The following SBF2 variants were observed in gnomAD, a reference collection of about 807,000 sequenced individuals.
SBF2 encodes the protein myotubularin-related protein 13.
SBF2 carries 112 observed loss-of-function variants against 225.2 expected under a neutral mutation model. The observed-to-expected ratio is 0.50, with a 90% CI of 0.43 to 0.58. SBF2 has a LOEUF of 0.58. Ranked by LOEUF, SBF2 falls within the 20% of genes least tolerant of loss-of-function variation. The probability of loss-of-function intolerance (pLI) is 0.00; values close to 1 mark genes in which losing one functional copy is unlikely to be tolerated. For missense variants in SBF2, 1,996 were observed against 2,206.2 expected, an observed-to-expected ratio of 0.90 and a Z score of 1.91; for synonymous variants, 763 against 773.3, an observed-to-expected ratio of 0.99 and a Z score of 0.22.
At chr11:10,162,018 G>A (rs150555830) in intron 2 of SBF2, among the ~76,000 whole-genome samples, 31 of 152,118 alleles carry the variant, frequency 2.0e-4, no homozygotes, top group African/African-American at 6.0e-4. Context: ...AGGAAGACTC[G>A]GTTGCATTTT....
chr11:9,828,227 G>A (rs867025297), intron 28 of SBF2: 2 of 1,287,218 alleles, frequency 1.6e-6, no homozygotes, highest in Middle Eastern at 4.3e-4. Flanking sequence ...AGTCCCTAAA[G>A]TCAGCCAAAA....
chr11:9,841,574 C>T (rs1856150302), intron 25 of SBF2, among the ~76,000 whole-genome samples: 1 of 151,916 alleles, frequency 6.6e-6, no homozygotes, highest in South Asian at 2.1e-4. Flanking sequence ...TCTGTCCGAC[C>T]CAGGCTGGAG....
intron 17 of SBF2, among the ~76,000 whole-genome samples, chr11:9,864,150 T>C (rs887055456): frequency 6.6e-6 from 1 of 152,222 alleles, no homozygotes; most frequent in Non-Finnish European, 1.5e-5. Context: ...TAGTGAGTAA[T>C]CCATTTAGTT....
At chr11:10,119,246 T>C (rs1953316789) in intron 2 of SBF2, among the ~76,000 whole-genome samples, 1 of 152,104 alleles carries the variant, frequency 6.6e-6, no homozygotes, top group Admixed American at 6.6e-5. Flanking sequence ...CTTGTCTTAG[T>C]ACTTCCTGTT....
At chr11:9,865,735 G>T (rs1858162981) in intron 17 of SBF2, among the ~76,000 whole-genome samples, 1 of 150,154 alleles carries the variant, frequency 6.7e-6, no homozygotes, top group East Asian at 1.9e-4. Context: ...GCGTTGGGGG[G>T]CGAAACTGAG....
At chr11:9,849,180 TA>T (rs2091840496) in intron 22 of SBF2, among the ~76,000 whole-genome samples, 1 of 152,082 alleles carries the variant, frequency 6.6e-6, no homozygotes, top group African/African-American at 2.4e-5. Flanking sequence ...CAGAAACTGG[TA>T]TTTTTTTTTA....
At chr11:10,089,024 G>A (rs1296843726) in intron 2 of SBF2, among the ~76,000 whole-genome samples, 1 of 152,032 alleles carries the variant, frequency 6.6e-6, no homozygotes, top group Non-Finnish European at 1.5e-5. Context: ...CATAGAACCT[G>A]GGTCCTGCCC....
At chr11:10,129,087 C>T (rs1056043436) in intron 2 of SBF2, among the ~76,000 whole-genome samples, 14 of 147,252 alleles carry the variant, frequency 9.5e-5, no homozygotes, top group Admixed American at 2.1e-4. Context: ...GTTATTTGCA[C>T]GCAATTTTCT....
At chr11:9,825,766 G>C (rs1366016965) in intron 28 of SBF2, among the ~76,000 whole-genome samples, 1 of 152,160 alleles carries the variant, frequency 6.6e-6, no homozygotes, top group Non-Finnish European at 1.5e-5. Context: ...ATAAGTCACA[G>C]CAAAATAACC....
At chr11:10,277,985 G>T (rs1430082694) in intron 1 of SBF2, among the ~76,000 whole-genome samples, 1 of 152,020 alleles carries the variant, frequency 6.6e-6, no homozygotes, top group Admixed American at 6.5e-5. Flanking sequence ...GCAGAGTGTT[G>T]GAGCTTAACT....
chr11:10,167,743 C>A (rs1317462945), intron 2 of SBF2, among the ~76,000 whole-genome samples: 1 of 152,240 alleles, frequency 6.6e-6, no homozygotes, highest in African/African-American at 2.4e-5. Context: ...CACGGCCAAG[C>A]ACGGTGGCTC....
chr11:10,114,410 A>G (rs192344682), intron 2 of SBF2, among the ~76,000 whole-genome samples: 97 of 152,270 alleles, frequency 6.4e-4, no homozygotes, highest in African/African-American at 2.2e-3. Context: ...AACTCCTATT[A>G]GGCATAAGTT....
At chr11:9,952,162 C>T (rs1254662390) in intron 16 of SBF2, among the ~76,000 whole-genome samples, 1 of 152,202 alleles carries the variant, frequency 6.6e-6, no homozygotes, top group African/African-American at 2.4e-5. Context: ...ACACAACCTC[C>T]TTGTTTGCAG....
At chr11:10,147,430 G>C (rs1672397983) in intron 2 of SBF2, among the ~76,000 whole-genome samples, 1 of 152,076 alleles carries the variant, frequency 6.6e-6, no homozygotes, top group African/African-American at 2.4e-5. Context: ...AACATGAATG[G>C]AGCTGGAGGC....
intron 1 of SBF2, among the ~76,000 whole-genome samples, chr11:10,246,365 C>T (rs546796104): frequency 7.2e-5 from 11 of 152,174 alleles, no homozygotes; most frequent in Non-Finnish European, 1.3e-4. Flanking sequence ...CTCACTGCAA[C>T]CTCCGCCTCC....
At chr11:10,293,566 T>C (rs557087764) in intron 1 of SBF2, among the ~76,000 whole-genome samples, 68 of 152,318 alleles carry the variant, frequency 4.5e-4, no homozygotes, top group African/African-American at 1.6e-3. Flanking sequence ...CTCTCAGCAC[T>C]TCCTTTCGGA....
At chr11:10,273,436 G>A (rs139466114) in intron 1 of SBF2, among the ~76,000 whole-genome samples, 173 of 152,232 alleles carry the variant, frequency 1.1e-3, no homozygotes, top group African/African-American at 3.9e-3. Flanking sequence ...AGACTACAAT[G>A]AATCAATTAA....
chr11:10,224,081 G>T (rs1445603569), intron 1 of SBF2, among the ~76,000 whole-genome samples: 1 of 151,978 alleles, frequency 6.6e-6, no homozygotes, highest in Non-Finnish European at 1.5e-5. Context: ...TATATTTTAT[G>T]GTAAGATAGA....
intron 1 of SBF2, among the ~76,000 whole-genome samples, chr11:10,225,964 G>T (rs1298344327): frequency 1.3e-5 from 2 of 152,106 alleles, no homozygotes; most frequent in Non-Finnish European, 2.9e-5. Context: ...TTTAAACCAG[G>T]ATTTTCATTA....
Sources: allele counts gnomAD v4.1 joint callset (sites outside exome capture counted in the v4.1 genomes callset), GRCh38; gene constraint gnomAD v4.1.1; transcripts MANE v1.5; gene names NCBI Gene and HGNC (gene_info 2026-07-23, HGNC 2026-07-21).